PITPNC1: variants seen among roughly 807,000 people sequenced by gnomAD.
The protein encoded by PITPNC1 is cytoplasmic phosphatidylinositol transfer protein 1.
A neutral mutation model predicts 44.7 loss-of-function variants in PITPNC1; 18 were observed. The ratio of observed to expected loss-of-function variants is 0.40; its 90% confidence interval spans 0.28 to 0.60. The LOEUF is 0.60. Among genes scored for constraint, PITPNC1 ranks in the 20% least tolerant of loss-of-function variants. PITPNC1 has a pLI of 0.39. For missense variants in PITPNC1, 290 were observed against 418.4 expected (o/e 0.69, Z 2.68); for synonymous variants, 141 against 149.6 (o/e 0.94, Z 0.42).
chr17:67,553,937 T>C, intron 4 of PITPNC1, among the ~76,000 whole-genome samples: 1 of 152,194 alleles, frequency 6.6e-6, no homozygotes, highest in South Asian at 2.1e-4. Context: ...TCTAGCAACG[T>C]GATATTAAAG....
chr17:67,586,074 T>C (rs1177657550), intron 5 of PITPNC1, among the ~76,000 whole-genome samples: 7 of 152,064 alleles, frequency 4.6e-5, no homozygotes, highest in Non-Finnish European at 1.0e-4. Context: ...CCAGGAACTG[T>C]TGGAAAACCA....
At chr17:67,611,987 G>A (rs549270139) in intron 5 of PITPNC1, 1 of 152,334 alleles carries the variant, frequency 6.6e-6, no homozygotes, top group East Asian at 1.9e-4. Context: ...GGGAGATAGG[G>A]GTTGGGGCCT....
chr17:67,448,911 T>A (rs767031871), intron 1 of PITPNC1, among the ~76,000 whole-genome samples: 1 of 152,152 alleles, frequency 6.6e-6, no homozygotes, highest in Non-Finnish European at 1.5e-5. Context: ...GGATAACAGT[T>A]GCATGCAACC....
At chr17:67,526,256 T>C (rs1274097390) in intron 1 of PITPNC1, among the ~76,000 whole-genome samples, 2 of 152,048 alleles carry the variant, frequency 1.3e-5, no homozygotes, top group East Asian at 3.9e-4. Context: ...GACGCAGCAG[T>C]TGGGGAAGGG....
chr17:67,452,905 A>G (rs2039203493), intron 1 of PITPNC1, among the ~76,000 whole-genome samples: 1 of 152,200 alleles, frequency 6.6e-6, no homozygotes, highest in Admixed American at 6.5e-5. Context: ...GGTTTGCCAC[A>G]TCCTTGTCAG....
At chr17:67,509,838 G>A (rs1255302787) in intron 1 of PITPNC1, among the ~76,000 whole-genome samples, 3 of 152,078 alleles carry the variant, frequency 2.0e-5, no homozygotes, top group East Asian at 3.9e-4. Flanking sequence ...TTTATTTGGG[G>A]GAATTTTGGG....
At chr17:67,543,550 T>C (rs1283409499) in intron 2 of PITPNC1, among the ~76,000 whole-genome samples, 1 of 152,200 alleles carries the variant, frequency 6.6e-6, no homozygotes, top group African/African-American at 2.4e-5. Context: ...TTTCATTTGC[T>C]TTTCTCTAGT....
intron 1 of PITPNC1, among the ~76,000 whole-genome samples, chr17:67,528,912 C>T (rs189485194): frequency 3.9e-5 from 6 of 152,232 alleles, no homozygotes; most frequent in Admixed American, 3.9e-4. Context: ...AAAACAGCAA[C>T]AAAACCACTG....
chr17:67,665,609 T>G (rs748007359), intron 6 of PITPNC1, among the ~76,000 whole-genome samples: 65 of 152,226 alleles, frequency 4.3e-4, no homozygotes, highest in Non-Finnish European at 7.5e-4. Flanking sequence ...AACATAGAAT[T>G]TAACTAGTCT....
intron 2 of PITPNC1, 88 bp from the exon 3 acceptor site, chr17:67,552,168 AT>A (rs2040774456): frequency 1.3e-6 from 1 of 757,028 alleles, no homozygotes; most frequent in African/African-American, 1.7e-5. Context: ...AATCCCCCTG[AT>A]TTCTCCAGCA....
chr17:67,594,080 G>A (rs890882227), intron 5 of PITPNC1, among the ~76,000 whole-genome samples: 1 of 152,188 alleles, frequency 6.6e-6, no homozygotes, highest in Non-Finnish European at 1.5e-5. Context: ...CTAGCAGCTG[G>A]TCAGGCCCAG....
chr17:67,428,243 A>G (rs1028436305), intron 1 of PITPNC1, among the ~76,000 whole-genome samples: 1 of 152,078 alleles, frequency 6.6e-6, no homozygotes, highest in Non-Finnish European at 1.5e-5. Flanking sequence ...TAATATGAAA[A>G]CATACTGTGC....
chr17:67,585,673 C>T (rs965294129), intron 5 of PITPNC1, among the ~76,000 whole-genome samples: 22 of 152,122 alleles, frequency 1.4e-4, no homozygotes, highest in Non-Finnish European at 2.6e-4. Flanking sequence ...GATGTGGTGG[C>T]ACACACCTGT....
At chr17:67,557,026 G>T (rs890036879) in intron 4 of PITPNC1, among the ~76,000 whole-genome samples, 1 of 152,174 alleles carries the variant, frequency 6.6e-6, no homozygotes, top group African/African-American at 2.4e-5. Flanking sequence ...CCCTGCAGAG[G>T]CCTGTTCTGT....
chr17:67,462,537 T>G (rs900851250), intron 1 of PITPNC1, among the ~76,000 whole-genome samples: 3 of 151,534 alleles, frequency 2.0e-5, no homozygotes, highest in African/African-American at 4.9e-5. Flanking sequence ...TGGCTGCACT[T>G]TTTCTTTTTT....
chr17:67,647,319 C>G (rs1034446977), intron 6 of PITPNC1, among the ~76,000 whole-genome samples: 1 of 152,172 alleles, frequency 6.6e-6, no homozygotes, highest in African/African-American at 2.4e-5. Flanking sequence ...TACACAAGGT[C>G]TCACTTTGTT....
chr17:67,682,277 G>A (rs2042724270), intron 8 of PITPNC1, among the ~76,000 whole-genome samples: 2 of 152,122 alleles, frequency 1.3e-5, no homozygotes, highest in Admixed American at 6.5e-5. Flanking sequence ...TCTGTGTGGT[G>A]GTGTTCATAT....
chr17:67,671,788 G>T (rs2042517709), intron 7 of PITPNC1, among the ~76,000 whole-genome samples: 1 of 152,146 alleles, frequency 6.6e-6, no homozygotes, highest in East Asian at 1.9e-4. Flanking sequence ...AGCAATTGCA[G>T]CTCCCAAAGT....
intron 5 of PITPNC1, among the ~76,000 whole-genome samples, chr17:67,618,856 G>A (rs990960527): frequency 1.4e-4 from 22 of 152,054 alleles, no homozygotes; most frequent in African/African-American, 4.3e-4. Flanking sequence ...TTAGGAGATC[G>A]AGACCATCCT....
Sources: allele counts gnomAD v4.1 joint callset (sites outside exome capture counted in the v4.1 genomes callset), GRCh38; gene constraint gnomAD v4.1.1; transcripts MANE v1.5; gene names NCBI Gene and HGNC (gene_info 2026-07-23, HGNC 2026-07-21).